Variants in PTPRM observed in about 807,000 individuals in gnomAD.
PTPRM encodes the protein protein tyrosine phosphatase receptor type M.
A neutral mutation model predicts 186.7 loss-of-function variants in PTPRM; 47 were observed. The ratio of observed to expected loss-of-function variants is 0.25; its 90% CI spans 0.20 to 0.32. The LOEUF is 0.32. Ranked by LOEUF, PTPRM falls within the 10% of genes least tolerant of loss-of-function variation. PTPRM has a pLI of 1.00. For missense variants in PTPRM, 1,494 were observed against 1,865.0 expected (o/e 0.80, Z 3.66); for synonymous variants, 668 against 674.9 (o/e 0.99, Z 0.16).
intron 2 of PTPRM, among the ~76,000 whole-genome samples, chr18:7,809,859 G>C (rs944492451): frequency 6.6e-6 from 1 of 152,190 alleles, no homozygotes; most frequent in South Asian, 2.1e-4. Context: ...GATTAAAAAG[G>C]GTTGGGAACA....
rs565968977 is a variant in PTPRM, at chr18:7,866,228, G to C, written c.197-21878G>C. Among the ~76,000 whole-genome samples the C allele has an allele frequency of 9.2e-5, 14 of 152,146 alleles. No individual in the cohort carries two copies. The South Asian group carries it at 2.9e-3, about 32-fold the overall frequency. ...CGTAGTTATTTCTTGACTTCTGCTA[G>C]CTTTTGATTTTGTTTGTTCTTGCTT... is the stretch of plus-strand genomic sequence containing the variant. On this transcript the variant is annotated intron_variant, in intron 2 of 32. Transcript: ENST00000580170.
intron 3 of PTPRM, among the ~76,000 whole-genome samples, chr18:7,889,983 C>T (rs914526481): frequency 2.6e-5 from 4 of 152,204 alleles, no homozygotes; most frequent in South Asian, 2.1e-4. Context: ...GCAGTTCTGA[C>T]GTCACGTCCT....
chr18:7,633,868 C>T (rs1003570353), intron 1 of PTPRM, among the ~76,000 whole-genome samples: 1 of 152,170 alleles, frequency 6.6e-6, no homozygotes, highest in African/African-American at 2.4e-5. Context: ...TCCCGGCCCT[C>T]CTGCAGGTCT....
At chr18:8,230,385 G>A (rs73939406) in intron 14 of PTPRM, among the ~76,000 whole-genome samples, 2,403 of 152,294 alleles carry the variant, frequency 0.016, 66 homozygotes, top group African/African-American at 0.054. Context: ...CAGCTATAAA[G>A]TCCAAGCTGG....
At chr18:8,124,886 TA>T (rs2092289911) in intron 13 of PTPRM, among the ~76,000 whole-genome samples, 1 of 152,158 alleles carries the variant, frequency 6.6e-6, no homozygotes, top group Non-Finnish European at 1.5e-5. Flanking sequence ...ATCTTGCCCC[TA>T]AAAATCCTAT....
At chr18:8,392,275 C>T (rs1167612521) in intron 31 of PTPRM, among the ~76,000 whole-genome samples, 2 of 152,156 alleles carry the variant, frequency 1.3e-5, no homozygotes, top group South Asian at 4.2e-4. Context: ...AATTTTAAAA[C>T]AGTAATGTTA....
chr18:8,380,519 C>T, intron 29 of PTPRM, 92 bp downstream of exon 29: 3 of 1,445,602 alleles, frequency 2.1e-6, no homozygotes, highest in Non-Finnish European at 2.9e-6. Flanking sequence ...AGTGCAGGCC[C>T]TAGTGCCAGA....
At chr18:7,740,608 T>G (rs1053187715) in intron 1 of PTPRM, among the ~76,000 whole-genome samples, 3 of 152,068 alleles carry the variant, frequency 2.0e-5, no homozygotes, top group Admixed American at 6.6e-5. Flanking sequence ...TATGTAGAGA[T>G]AGAATCTTGC....
At position 8,376,399 on chromosome 18, in the gene PTPRM, T is replaced by C. The variant is rs2095695095; in HGVS notation, c.3327-63T>C. On this transcript the variant is annotated intron_variant, in intron 25 of 32. Coordinates refer to ENST00000580170, the MANE Select transcript of PTPRM (RefSeq NM_001105244.2). The stretch of plus-strand genomic sequence containing the variant: ...GTAAATTTCACCTCGATAAAAAATT[T>C]AAAAAGCAGCAGCAGCAGTGTGGTC... 26 of 1,608,498 alleles carry C rather than the reference T, an allele frequency of 1.6e-5. No individual in the cohort carries two copies. The South Asian group carries it at 2.9e-4, about 18-fold the overall frequency.
intron 7 of PTPRM, among the ~76,000 whole-genome samples, chr18:8,033,410 ATG>A: frequency 6.6e-6 from 1 of 152,176 alleles, no homozygotes. Flanking sequence ...TACTCTGAGA[ATG>A]TGTCTTTCAC....
At chr18:8,094,187 C>T (rs1001728739) in intron 11 of PTPRM, among the ~76,000 whole-genome samples, 2 of 152,054 alleles carry the variant, frequency 1.3e-5, no homozygotes, top group African/African-American at 4.8e-5. Context: ...TAGTGTAAAA[C>T]CTTGCAATGC....
At chr18:7,780,393 G>T (rs1248683993) in intron 2 of PTPRM, among the ~76,000 whole-genome samples, 1 of 152,156 alleles carries the variant, frequency 6.6e-6, no homozygotes, top group Non-Finnish European at 1.5e-5. Flanking sequence ...CTTCACGTGA[G>T]AACATGCATC....
chr18:8,205,309 G>A (rs915002289), intron 14 of PTPRM, among the ~76,000 whole-genome samples: 7 of 151,994 alleles, frequency 4.6e-5, no homozygotes, highest in African/African-American at 1.5e-4. Context: ...AAAAAACCCT[G>A]CAATGTGAGT....
intron 32 of PTPRM, among the ~76,000 whole-genome samples, chr18:8,400,309 G>C (rs941027379): frequency 4.6e-5 from 7 of 152,226 alleles, no homozygotes; most frequent in Non-Finnish European, 1.0e-4. Context: ...TGCAGCAGCC[G>C]AGTGTTAAAA....
At chr18:8,224,695 T>C (rs116382981) in intron 14 of PTPRM, among the ~76,000 whole-genome samples, 1,915 of 152,322 alleles carry the variant, frequency 0.013, 34 homozygotes, top group African/African-American at 0.044. Context: ...TCCTTATTTG[T>C]TATGTGGCAT....
intron 1 of PTPRM, among the ~76,000 whole-genome samples, chr18:7,731,279 A>C (rs2040653141): frequency 6.6e-6 from 1 of 152,194 alleles, no homozygotes; most frequent in South Asian, 2.1e-4. Flanking sequence ...TTTTGTTCTT[A>C]CTGGTAATAA....
At chr18:8,137,285 T>G (rs1383595879) in intron 13 of PTPRM, among the ~76,000 whole-genome samples, 1 of 152,118 alleles carries the variant, frequency 6.6e-6, no homozygotes, top group African/African-American at 2.4e-5. Context: ...TTGCATGTGG[T>G]GTGAATGGGG....
chr18:7,844,598 A>G (rs745558455), intron 2 of PTPRM, among the ~76,000 whole-genome samples: 5 of 152,080 alleles, frequency 3.3e-5, no homozygotes, highest in African/African-American at 4.8e-5. Context: ...CTGAAAAACC[A>G]CCTGGAATGT....
intron 7 of PTPRM, among the ~76,000 whole-genome samples, chr18:8,029,675 G>A (rs2085826509): frequency 1.3e-5 from 2 of 152,142 alleles, no homozygotes; most frequent in Admixed American, 6.5e-5. Flanking sequence ...CAGTTTACAT[G>A]TCAGTCTTCC....
Sources: gnomAD v4.1 joint callset for allele counts (sites outside exome capture counted in the v4.1 genomes callset) on GRCh38, gnomAD v4.1.1 for gene constraint, MANE v1.5 for transcripts, NCBI Gene and HGNC (gene_info 2026-07-23, HGNC 2026-07-21) for gene names.